DHX15: variants seen among roughly 807,000 people sequenced by gnomAD.
DHX15 encodes the protein DEAH-box helicase 15.
Under a neutral mutation model 94.4 loss-of-function variants are expected in DHX15, and 11 were observed. The ratio of observed to expected loss-of-function variants is 0.12; its 90% confidence interval spans 0.07 to 0.19. DHX15 has a LOEUF of 0.19. Among genes scored for constraint, DHX15 ranks in the 10% least tolerant of loss-of-function variants. The pLI, the probability that DHX15 is intolerant of heterozygous loss-of-function variation, is 1.00. For synonymous variants in DHX15, 338 were observed against 329.9 expected, an observed-to-expected ratio of 1.02 and a Z score of -0.27; for missense variants, 304 against 988.5, an observed-to-expected ratio of 0.31 and a Z score of 9.29.
intron 13 of DHX15, among the ~76,000 whole-genome samples, chr4:24,528,777 G>A (rs759671598): frequency 2.0e-5 from 3 of 152,056 alleles, no homozygotes; most frequent in Non-Finnish European, 4.4e-5. Flanking sequence ...TCTACATTTT[G>A]TAGAAGCTAG....
chr4:24,533,934 T>A (rs1175114247), intron 11 of DHX15: 6 of 152,260 alleles, frequency 3.9e-5, no homozygotes, highest in African/African-American at 1.4e-4. Flanking sequence ...ATCTTCAGCA[T>A]ACTCTTTTCT....
At chr4:24,563,431 G>T (rs986508145) in intron 3 of DHX15, 1 of 152,112 alleles carries the variant, frequency 6.6e-6, no homozygotes, top group Admixed American at 6.5e-5. Context: ...CCAAAGTATT[G>T]GGATTACAGG....
intron 8 of DHX15, among the ~76,000 whole-genome samples, chr4:24,541,642 G>T (rs1402329222): frequency 6.6e-6 from 1 of 152,074 alleles, no homozygotes; most frequent in Non-Finnish European, 1.5e-5. Context: ...GTAAGGTTCA[G>T]CATATTCCAG....
chr4:24,531,383 C>T (rs900007158), intron 12 of DHX15, among the ~76,000 whole-genome samples: 1 of 152,034 alleles, frequency 6.6e-6, no homozygotes, highest in Non-Finnish European at 1.5e-5. Context: ...CCACAGCGCC[C>T]GGCCAGTTTT....
intron 12 of DHX15, among the ~76,000 whole-genome samples, chr4:24,531,486 G>A (rs898991057): frequency 1.3e-5 from 2 of 152,116 alleles, no homozygotes; most frequent in Admixed American, 1.3e-4. Flanking sequence ...GTCGAGGTAG[G>A]AGGATCATTT....
intron 2 of DHX15, among the ~76,000 whole-genome samples, chr4:24,575,506 T>C (rs1339317805): frequency 2.0e-5 from 3 of 152,214 alleles, no homozygotes; most frequent in African/African-American, 7.2e-5. Flanking sequence ...TTTTCACCTA[T>C]TGGATTTGTA....
rs966555273 is a variant in DHX15 at position 24,552,993 on chromosome 4, T to C, written c.1080+1732A>G. ...ATAGAATCTCAATACGCTTATGTTA[T>C]CTGAGAATGATGACAATTTTAAATA... is the stretch of plus-strand genomic sequence containing the variant. On this transcript the variant is annotated intron_variant, in intron 5 of 13. Coordinates refer to ENST00000336812, the MANE Select transcript of DHX15 (RefSeq NM_001358.3). Among the ~76,000 whole-genome samples the C allele has an allele frequency of 4.6e-5, 7 of 152,216 alleles. No individual in the cohort carries two copies. The East Asian group carries it at 7.7e-4, about 17-fold the overall frequency.
chr4:24,547,927 A>ATATATC (rs1721476885), intron 6 of DHX15, among the ~76,000 whole-genome samples: 43 of 102,954 alleles, frequency 4.2e-4, no homozygotes, highest in Non-Finnish European at 6.6e-4. Context: ...ATATATATAT[A>ATATATC]TATATATATA....
intron 13 of DHX15, 93 bp downstream of exon 13, chr4:24,529,508 T>C (rs1577330130): frequency 1.9e-6 from 2 of 1,064,366 alleles, no homozygotes; most frequent in East Asian, 2.4e-5. Context: ...AAATTCTCAA[T>C]GAGTGAATGC....
chr4:24,545,640 G>A (rs1406604438), intron 6 of DHX15, among the ~76,000 whole-genome samples: 3 of 152,164 alleles, frequency 2.0e-5, no homozygotes, highest in Admixed American at 6.5e-5. Context: ...CAATGCAAAA[G>A]CGAACTAATA....
intron 3 of DHX15, among the ~76,000 whole-genome samples, chr4:24,562,242 A>G (rs905750610): frequency 4.6e-5 from 7 of 152,174 alleles, no homozygotes; most frequent in Admixed American, 2.0e-4. Context: ...AAAAAAGCAT[A>G]AATAAAGCAA....
chr4:24,535,826 T>C (rs191784725), intron 11 of DHX15, among the ~76,000 whole-genome samples: 2 of 152,176 alleles, frequency 1.3e-5, no homozygotes, highest in African/African-American at 4.8e-5. Flanking sequence ...AGGCTCCCCA[T>C]TTTAAGAGTA....
At position 24,528,011 on chromosome 4, in the gene DHX15, GTCATAA is replaced by G; in HGVS notation, c.2295_2300del (p.Tyr766_Asp767del). 6.2e-7 allele frequency: 1 copy of G among 1,613,888 alleles called. No homozygotes were observed. Among genetic ancestry groups the G allele is most frequent in the Non-Finnish European group, 8.5e-7 (1 of 1,179,854 alleles). On this transcript the variant is annotated inframe_deletion, in exon 14 of 14. Coordinates refer to ENST00000336812, the MANE Select transcript of DHX15 (RefSeq NM_001358.3). ...CTTCACACTGTGGGAAATTGCTCAT[GTCATAA>G]TATTGAGGGGCAATTTTCACCAACC... is the stretch of plus-strand genomic sequence containing the variant.
chr4:24,536,936 T>C (rs1362568449), intron 11 of DHX15, 115 bp downstream of exon 11: 3 of 1,244,278 alleles, frequency 2.4e-6, no homozygotes, highest in Non-Finnish European at 3.2e-6. Context: ...CAAAAGTACC[T>C]CTGGGTTTCT....
At chr4:24,546,609 C>G (rs889799144) in intron 6 of DHX15, among the ~76,000 whole-genome samples, 17 of 152,106 alleles carry the variant, frequency 1.1e-4, no homozygotes, top group Admixed American at 4.6e-4. Context: ...ATGTTGCATT[C>G]TCAACCTTTC....
At chr4:24,548,823 G>T in intron 6 of DHX15, 32 bp downstream of exon 6, 2 of 1,581,558 alleles carry the variant, frequency 1.3e-6, no homozygotes, top group South Asian at 1.1e-5. Context: ...CATTATTAGT[G>T]AAATATTTAT....
At chr4:24,545,884 C>CA (rs1463255680) in intron 6 of DHX15, among the ~76,000 whole-genome samples, 2 of 152,284 alleles carry the variant, frequency 1.3e-5, no homozygotes, top group East Asian at 3.9e-4. Flanking sequence ...GTGTTCAAAC[C>CA]GCATTGACTA....
chr4:24,544,180 T>A (rs1282280172), intron 6 of DHX15, among the ~76,000 whole-genome samples: 1 of 152,138 alleles, frequency 6.6e-6, no homozygotes, highest in Non-Finnish European at 1.5e-5. Flanking sequence ...ATGAAAAGAT[T>A]TATATTTATC....
Position 24,540,292 on chromosome 4 carries a change from T to C in DHX15, c.1602A>G (p.Glu534=), listed in dbSNP as rs1163629001. Residue 534 remains glutamate (E), a synonymous_variant, in exon 10 of 14, where the codon GAA becomes GAG. Transcript: ENST00000336812. ...AAAGTTCCAGGGCTCTCATCAGAGTTTCAGGAGCTAGTGGTAAAAGACAAT... is the reference window on the plus strand; with the variant it reads ...AAAGTTCCAGGGCTCTCATCAGAGTCTCAGGAGCTAGTGGTAAAAGACAAT... ...HFDFMDPPAP[E]TLMRALELLN... 6.2e-7 allele frequency: 1 copy of C among 1,609,874 alleles called. No individual in the cohort carries two copies. Among genetic ancestry groups the C allele is most frequent in the East Asian group, 2.2e-5 (1 of 44,772 alleles).
Sources: allele counts gnomAD v4.1 joint callset (sites outside exome capture counted in the v4.1 genomes callset), GRCh38; gene constraint gnomAD v4.1.1; transcripts MANE v1.5; gene names NCBI Gene and HGNC (gene_info 2026-07-23, HGNC 2026-07-21).